NR2E1: variants seen among roughly 807,000 people sequenced by gnomAD.
NR2E1 encodes the protein nuclear receptor TLX.
In NR2E1, 5 loss-of-function variants were observed where a neutral mutation model predicts 43.6. That is an observed-to-expected ratio of 0.11 (90% confidence interval 0.06 to 0.24). The LOEUF is 0.24. Ranked by LOEUF, NR2E1 falls within the 10% of genes least tolerant of loss-of-function variation. The pLI is 1.00. For synonymous variants in NR2E1, 191 were observed against 195.5 expected (o/e 0.98, Z 0.19); for missense variants, 287 against 496.7 (o/e 0.58, Z 4.01).
At position 108,188,502 on chromosome 6, in the gene NR2E1, A is replaced by AACACACACACACACACAC. The variant is rs373693807; in HGVS notation, c.*1072_*1089dup. The AACACACACACACACACAC allele has an allele frequency of 7.5e-6, 1 of 132,980 alleles. No individual in the cohort carries two copies. Among genetic ancestry groups the AACACACACACACACACAC allele is most frequent in the Non-Finnish European group, 1.6e-5 (1 of 62,308 alleles). 8.2% of individuals were successfully genotyped at this position (132,980 alleles called of 1,614,324 possible). A position where few individuals can be genotyped will look rare whatever the true frequency, so the allele number is the denominator to read the frequency against. ...CTGGTTTCTAGTAAAGCCTTGAATG[A>AACACACACACACACACAC]ACACACACACACACACACACACACA... On this transcript the variant is annotated 3_prime_UTR_variant, in exon 9 of 9. Transcript: ENST00000368986.
Position 108,187,736 on chromosome 6 carries a change from G to A in NR2E1, c.*273G>A, listed in dbSNP as rs1266702772. On this transcript the variant is annotated 3_prime_UTR_variant, in exon 9 of 9. Coordinates refer to ENST00000368986, the MANE Select transcript of NR2E1 (RefSeq NM_003269.5). ...CCTGGGAGGGGGCAAACTGGGGGTT[G>A]CCACAGGCCGTGCCATTCTGCCTCT... 37 of 448,846 alleles carry A rather than the reference G, an allele frequency of 8.2e-5. No individual in the cohort carries two copies. 27.8% of individuals were successfully genotyped at this position (448,846 alleles called of 1,614,324 possible).
intron 8 of NR2E1, among the ~76,000 whole-genome samples, chr6:108,183,819 G>A (rs1191847286): frequency 6.6e-6 from 1 of 152,144 alleles, no homozygotes; most frequent in African/African-American, 2.4e-5. Flanking sequence ...AATGCATATT[G>A]AATTACAGAA....
chr6:108,181,671 A>T lies in NR2E1; in HGVS notation c.995+20A>T. 6.3e-7 allele frequency: 1 copy of T among 1,595,580 alleles called. No homozygotes were observed. Among genetic ancestry groups the T allele is most frequent in the Non-Finnish European group, 8.6e-7 (1 of 1,163,100 alleles). ...TACCAGGTGACCCTTGTTTGCCTTG[A>T]ACATGTACTTAAGAAAATTGCCTCC... On this transcript the variant is annotated intron_variant, in intron 8 of 8. Coordinates refer to ENST00000368986, the MANE Select transcript of NR2E1 (RefSeq NM_003269.5).
chr6:108,187,408 G>A lies in NR2E1; in HGVS notation c.1103G>A (p.Gly368Asp), dbSNP rs1219430481. Residue 368 changes from glycine to aspartate, a missense_variant, in exon 9 of 9, where the codon GGC (glycine) becomes GAC (aspartate). By Grantham distance (94) the Gly-to-Asp change is moderately conservative. Around this residue, in one of 4 missense-constraint regions of NR2E1, gnomAD observed 119 missense variants for 187.0 expected, o/e 0.64. Coordinates refer to ENST00000368986, the MANE Select transcript of NR2E1 (RefSeq NM_003269.5). ...IEEVFFKKTI[G>D]NVPITRLLSD... Reference sequence around the variant, plus strand: ...GAAGTGTTTTTCAAAAAAACCATCGGCAATGTGCCAATTACAAGACTGCTT... The same window carrying A: ...GAAGTGTTTTTCAAAAAAACCATCGACAATGTGCCAATTACAAGACTGCTT... The A allele has an allele frequency of 6.2e-7, 1 of 1,614,160 alleles. No homozygotes were observed. Among genetic ancestry groups the A allele is most frequent in the Admixed American group, 1.7e-5 (1 of 60,016 alleles).
chr6:108,182,367 G>T (rs1276203762), intron 8 of NR2E1, among the ~76,000 whole-genome samples: 1 of 151,844 alleles, frequency 6.6e-6, no homozygotes, highest in Non-Finnish European at 1.5e-5. Context: ...AAGGATGAGA[G>T]AACTTTCCAG....
chr6:108,184,120 A>G (rs1011539422), intron 8 of NR2E1, among the ~76,000 whole-genome samples: 5 of 152,172 alleles, frequency 3.3e-5, no homozygotes, highest in Admixed American at 3.3e-4. Flanking sequence ...TGAAGCTGGG[A>G]AGTGGAGGTT....
At chr6:108,171,662 T>A in intron 2 of NR2E1, 59 bp downstream of exon 2, 7 of 1,607,268 alleles carry the variant, frequency 4.4e-6, no homozygotes, top group African/African-American at 1.3e-5. Flanking sequence ...ACTCTTTTGT[T>A]TGTGCCAAGG....
intron 1 of NR2E1, among the ~76,000 whole-genome samples, chr6:108,167,793 G>A (rs921533804): frequency 1.1e-4 from 17 of 152,016 alleles, no homozygotes; most frequent in Admixed American, 8.5e-4. Context: ...CGCTCTGTGC[G>A]TTCCTTCCCT....
At position 108,166,537 on chromosome 6, in the gene NR2E1, G is replaced by A. The variant is rs1317738364; in HGVS notation, c.-229G>A. ...ATCAAGCAGCATTCCCAGCAGCTGC[G>A]GTTTTGCAAGAGCCGGGAAGAAACT... On this transcript the variant is annotated 5_prime_UTR_variant, in exon 1 of 9. Coordinates refer to ENST00000368986, the MANE Select transcript of NR2E1 (RefSeq NM_003269.5). This position sits in a 1 kb window ranked among gnomAD's most constrained non-coding sequence, Gnocchi z 7.2. 1.0e-5 allele frequency: 5 copies of A among 499,494 alleles called. No homozygotes were observed. The highest frequency in any genetic ancestry group is 1.4e-5 in the Non-Finnish European group (4 of 287,690). 30.9% of individuals were successfully genotyped at this position (499,494 alleles called of 1,614,324 possible).
chr6:108,167,618 C>T (rs1162737317), intron 1 of NR2E1, among the ~76,000 whole-genome samples: 1 of 152,146 alleles, frequency 6.6e-6, no homozygotes, highest in Non-Finnish European at 1.5e-5. Context: ...TGAGCAGGCG[C>T]GGTCACGGTG....
chr6:108,166,817 G>T lies in NR2E1; in HGVS notation c.25+27G>T. The T allele has an allele frequency of 1.3e-6, 2 of 1,585,994 alleles. No individual in the cohort carries two copies. The highest frequency in any genetic ancestry group is 1.7e-6 in the Non-Finnish European group (2 of 1,169,808). Reference sequence around the variant, plus strand: ...TGGGTACCTCTCGGGCCGCCGTGGGGCCTAGGCGCGCAGCCTGGGGCGAGC... The same window carrying T: ...TGGGTACCTCTCGGGCCGCCGTGGGTCCTAGGCGCGCAGCCTGGGGCGAGC... On this transcript the variant is annotated intron_variant, in intron 1 of 8. Coordinates refer to ENST00000368986, the MANE Select transcript of NR2E1 (RefSeq NM_003269.5). The surrounding 1 kb of genome is among the most constrained non-coding windows in gnomAD (Gnocchi z 7.2).
At chr6:108,176,465 C>G (rs370543731) in intron 3 of NR2E1, 38 bp from the exon 4 acceptor site, 3 of 1,600,536 alleles carry the variant, frequency 1.9e-6, no homozygotes, top group Admixed American at 3.4e-5. Context: ...CTCGACGTCT[C>G]TAATCGCCGG....
intron 2 of NR2E1, among the ~76,000 whole-genome samples, chr6:108,173,662 A>G (rs1273192404): frequency 1.3e-5 from 2 of 152,244 alleles, no homozygotes; most frequent in African/African-American, 2.4e-5. Flanking sequence ...GAGATTATGA[A>G]GCAAAATAAA....
In NR2E1 at chr6:108,174,832, C is replaced by T; in HGVS notation, c.172-4C>T. 6.2e-7 allele frequency: 1 copy of T among 1,613,684 alleles called. No homozygotes were observed. Among genetic ancestry groups the T allele is most frequent in the Non-Finnish European group, 8.5e-7 (1 of 1,179,672 alleles). ...GACCGCTGACCTCCTGCTCTCTGTT[C>T]CAGGGAGGCTGTCCGGTGGACAAGA... is the stretch of plus-strand genomic sequence containing the variant. On this transcript the variant is annotated splice_polypyrimidine_tract_variant and splice_region_variant and intron_variant, in intron 2 of 8. Coordinates refer to ENST00000368986, the MANE Select transcript of NR2E1 (RefSeq NM_003269.5).
At chr6:108,167,528 G>T (rs751501191) in intron 1 of NR2E1, among the ~76,000 whole-genome samples, 2 of 152,074 alleles carry the variant, frequency 1.3e-5, no homozygotes, top group Non-Finnish European at 2.9e-5. Context: ...ACTCACGAGC[G>T]CAGGGCTAAG....
At chr6:108,176,342 A>ATCCCTTCCTCCCTCAGAT (rs1315003565) in intron 3 of NR2E1, 161 bp from the exon 4 acceptor site, 1 of 648,162 alleles carries the variant, frequency 1.5e-6, no homozygotes, top group Non-Finnish European at 2.7e-6. Flanking sequence ...CGATCTCAGA[A>ATCCCTTCCTCCCTCAGAT]TCCCTTCCTC....
In NR2E1 at chr6:108,176,149, T is replaced by C. The variant is rs1487825539; in HGVS notation, c.260-354T>C. On this transcript the variant is annotated intron_variant, in intron 3 of 8. Coordinates refer to ENST00000368986, the MANE Select transcript of NR2E1 (RefSeq NM_003269.5). ...TCTTTTGGATGGGGGCGAGGATACC[T>C]GGCTACTCCAGCCCAGAGGGTCTCT... 18 of 291,814 alleles carry C rather than the reference T, an allele frequency of 6.2e-5. No individual in the cohort carries two copies. The East Asian group carries it at 1.1e-3, about 18-fold the overall frequency. 18.1% of individuals were successfully genotyped at this position (291,814 alleles called of 1,614,324 possible).
chr6:108,176,037 G>A (rs1344627857), intron 3 of NR2E1: 3 of 161,058 alleles, frequency 1.9e-5, no homozygotes, highest in South Asian at 1.9e-4. Flanking sequence ...TGTGGGGGCG[G>A]GGCCTGCGGG....
chr6:108,174,157 G>A (rs1377758661), intron 2 of NR2E1, among the ~76,000 whole-genome samples: 1 of 152,122 alleles, frequency 6.6e-6, no homozygotes, highest in Non-Finnish European at 1.5e-5. Context: ...TTCCAGGAAG[G>A]GCTGTGTTTC....
Sources: gnomAD v4.1 joint callset for allele counts (sites outside exome capture counted in the v4.1 genomes callset) on GRCh38, gnomAD v4.1.1 for gene constraint, gnomAD v4.1.1 regional missense constraint, Gnocchi (gnomAD v3.1) non-coding constraint, MANE v1.5 for transcripts, NCBI Gene and HGNC (gene_info 2026-07-23, HGNC 2026-07-21) for gene names.